Variants in PTPRD observed in about 807,000 individuals in gnomAD.
PTPRD encodes the protein receptor-type tyrosine-protein phosphatase delta.
In PTPRD, 34 loss-of-function variants were observed where a neutral mutation model predicts 214.5. The observed-to-expected ratio is 0.16, with a 90% CI of 0.12 to 0.21. The LOEUF is 0.21. PTPRD is among the 10% of genes least tolerant of loss of function. The pLI is 1.00. For missense variants in PTPRD, 2,545 were observed against 2,398.7 expected (o/e 1.06, Z -1.27); for synonymous variants, 1,128 against 845.7 (o/e 1.33, Z -5.79).
intron 3 of PTPRD, among the ~76,000 whole-genome samples, chr9:10,048,962 G>T (rs1443085157): frequency 6.6e-6 from 1 of 152,108 alleles, no homozygotes; most frequent in Non-Finnish European, 1.5e-5. Context: ...GTATTTGAGT[G>T]ATTAGGGAGG....
At chr9:9,208,316 C>T (rs2099946321) in intron 9 of PTPRD, among the ~76,000 whole-genome samples, 1 of 151,748 alleles carries the variant, frequency 6.6e-6, no homozygotes, top group Admixed American at 6.6e-5. Flanking sequence ...GCCCCGCCAT[C>T]TGCTTGTATT....
At chr9:8,614,426 C>T (rs2095544962) in intron 14 of PTPRD, among the ~76,000 whole-genome samples, 1 of 152,082 alleles carries the variant, frequency 6.6e-6, no homozygotes, top group Non-Finnish European at 1.5e-5. Flanking sequence ...TAAAAGACCT[C>T]CCTGCCTGTA....
At position 8,504,413 on chromosome 9, in the gene PTPRD, C is replaced by T. The variant is rs199996311; in HGVS notation, c.1678-8G>A. ...CTCAATGGTAATTCGTTGCTGGAAGCAATAAGAGAATGTGGTCATCTTCAT... is the reference window on the plus strand; with the variant it reads ...CTCAATGGTAATTCGTTGCTGGAAGTAATAAGAGAATGTGGTCATCTTCAT... On this transcript the variant is annotated splice_region_variant and splice_polypyrimidine_tract_variant and intron_variant, in intron 22 of 45. Transcript: ENST00000381196. 92 of 1,613,884 alleles carry T rather than the reference C, an allele frequency of 5.7e-5. No homozygotes were observed. Among genetic ancestry groups the T allele is most frequent in the Middle Eastern group, 1.7e-4 (1 of 6,060 alleles).
chr9:9,131,787 T>A (rs568952959), intron 10 of PTPRD, among the ~76,000 whole-genome samples: 1 of 152,226 alleles, frequency 6.6e-6, no homozygotes, highest in East Asian at 1.9e-4. Context: ...ATTATGAGAG[T>A]TCGATAATAT....
At position 8,315,937 on chromosome 9, in the gene PTPRD, TAC is replaced by T; in HGVS notation, c.*1935_*1936del. ...TCTGTTGGAAGAATTGGGGGTAAGA[TAC>T]ATATATATATATAGTTTATTTCCCC... On this transcript the variant is annotated 3_prime_UTR_variant, in exon 46 of 46. Transcript: ENST00000381196. 5.5e-6 allele frequency: 1 copy of T among 180,730 alleles called. No individual in the cohort carries two copies. 11.2% of individuals were successfully genotyped at this position (180,730 alleles called of 1,614,324 possible).
chr9:9,799,357 G>C (rs2099023888), intron 5 of PTPRD: 1 of 152,158 alleles, frequency 6.6e-6, no homozygotes, highest in Non-Finnish European at 1.5e-5. Flanking sequence ...ACTGGAATTT[G>C]AAAGTCTTCA....
At chr9:8,634,240 TAA>T (rs59879265) in intron 13 of PTPRD, among the ~76,000 whole-genome samples, 1 of 144,300 alleles carries the variant, frequency 6.9e-6, no homozygotes, top group Non-Finnish European at 1.5e-5. Context: ...AAGTACCACT[TAA>T]AAAAAAAAAA....
intron 14 of PTPRD, among the ~76,000 whole-genome samples, chr9:8,596,272 AT>A (rs1297150410): frequency 1.3e-5 from 2 of 152,062 alleles, no homozygotes; most frequent in Non-Finnish European, 2.9e-5. Flanking sequence ...TATATGGATT[AT>A]ATGGATATAT....
intron 11 of PTPRD, among the ~76,000 whole-genome samples, chr9:8,820,771 G>C (rs1378998899): frequency 6.6e-6 from 1 of 151,742 alleles, no homozygotes; most frequent in Non-Finnish European, 1.5e-5. Flanking sequence ...TATGTCTCTG[G>C]ACTCACACAA....
chr9:8,516,735 G>C (rs955827390), intron 21 of PTPRD, among the ~76,000 whole-genome samples: 1 of 151,370 alleles, frequency 6.6e-6, no homozygotes, highest in Non-Finnish European at 1.5e-5. Context: ...GATTAATGCA[G>C]GTTTAAAAGA....
At chr9:9,867,720 G>A (rs776875148) in intron 5 of PTPRD, among the ~76,000 whole-genome samples, 10 of 152,050 alleles carry the variant, frequency 6.6e-5, no homozygotes, top group Admixed American at 3.3e-4. Context: ...CAAACCTATT[G>A]TTTTCTCTTA....
chr9:8,726,128 G>C (rs1251548434), intron 12 of PTPRD, among the ~76,000 whole-genome samples: 4 of 151,766 alleles, frequency 2.6e-5, no homozygotes, highest in Non-Finnish European at 4.4e-5. Flanking sequence ...CTAAATTTTA[G>C]GTTAAAGAAT....
At chr9:9,728,412 A>T (rs1237394961) in intron 7 of PTPRD, among the ~76,000 whole-genome samples, 1 of 152,180 alleles carries the variant, frequency 6.6e-6, no homozygotes, top group African/African-American at 2.4e-5. Flanking sequence ...TTTGATCTCT[A>T]GTCCTATGTG....
chr9:9,736,213 C>G (rs2098291787), intron 6 of PTPRD, among the ~76,000 whole-genome samples: 1 of 151,996 alleles, frequency 6.6e-6, no homozygotes, highest in Admixed American at 6.6e-5. Flanking sequence ...CTGTATTTGT[C>G]AAAGTATCTG....
chr9:10,025,537 T>C (rs185865806), intron 4 of PTPRD, among the ~76,000 whole-genome samples: 115 of 152,298 alleles, frequency 7.6e-4, no homozygotes, highest in South Asian at 5.4e-3. Context: ...ACTTTCATCA[T>C]AGGAGAATTC....
At chr9:9,656,006 G>C (rs1299380274) in intron 7 of PTPRD, among the ~76,000 whole-genome samples, 4 of 152,050 alleles carry the variant, frequency 2.6e-5, no homozygotes, top group African/African-American at 9.7e-5. Flanking sequence ...AATAATGGAA[G>C]ATAAGCATAT....
chr9:8,682,283 C>T (rs1290391712), intron 12 of PTPRD, among the ~76,000 whole-genome samples: 2 of 152,188 alleles, frequency 1.3e-5, no homozygotes, highest in Non-Finnish European at 2.9e-5. Flanking sequence ...GACTTCGACT[C>T]CTACCGGGAT....
intron 3 of PTPRD, among the ~76,000 whole-genome samples, chr9:10,278,675 T>A (rs1298469159): frequency 6.6e-6 from 1 of 152,170 alleles, no homozygotes; most frequent in Non-Finnish European, 1.5e-5. Flanking sequence ...TAAACTTTAC[T>A]ACTGATTCGA....
chr9:9,568,665 T>C (rs936977369), intron 8 of PTPRD, among the ~76,000 whole-genome samples: 2 of 151,946 alleles, frequency 1.3e-5, no homozygotes, highest in African/African-American at 4.8e-5. Context: ...TACACATTTT[T>C]TTAAACGATA....
Sources: gnomAD v4.1 joint callset for allele counts (sites outside exome capture counted in the v4.1 genomes callset) on GRCh38, gnomAD v4.1.1 for gene constraint, MANE v1.5 for transcripts, NCBI Gene and HGNC (gene_info 2026-07-23, HGNC 2026-07-21) for gene names.